The following SPMAP2L variants were observed in gnomAD, a reference collection of about 807,000 sequenced individuals.
The protein encoded by SPMAP2L is sperm microtubule associated protein 2 like.
chr4:56,622,168 C>T, the SPMAP2L span, among the ~76,000 whole-genome samples: 9,945 of 152,134 alleles, frequency 0.065, 811 homozygotes, highest in African/African-American at 0.19. Flanking sequence ...GAAAAGAAAG[C>T]CTATTAATTT....
At chr4:56,594,360 T>G in the SPMAP2L span, 1 of 1,546,376 alleles carries the variant, frequency 6.5e-7, no homozygotes, top group East Asian at 2.2e-5. Flanking sequence ...TCGTCTGAAC[T>G]CGCACCTATC....
chr4:56,567,819 C>G, the SPMAP2L span, among the ~76,000 whole-genome samples: 1 of 151,784 alleles, frequency 6.6e-6, no homozygotes, highest in East Asian at 1.9e-4. Flanking sequence ...TATCATATAT[C>G]TTAATGTTTT....
the SPMAP2L span, among the ~76,000 whole-genome samples, chr4:56,607,682 C>A: frequency 1.3e-5 from 2 of 152,056 alleles, no homozygotes; most frequent in African/African-American, 4.8e-5. Context: ...ATGAACCAGA[C>A]AGTTGGCAGA....
chr4:56,568,042 A>G, the SPMAP2L span, among the ~76,000 whole-genome samples: 1 of 151,820 alleles, frequency 6.6e-6, no homozygotes, highest in Non-Finnish European at 1.5e-5. Flanking sequence ...ATTTCTCTCT[A>G]TGTCTTCATT....
chr4:56,536,511 T>C, the SPMAP2L span, among the ~76,000 whole-genome samples: 7 of 152,246 alleles, frequency 4.6e-5, no homozygotes, highest in Admixed American at 1.3e-4. Flanking sequence ...TAAGCTCTTA[T>C]GGAGGCAGGA....
chr4:56,552,577 C>G, the SPMAP2L span: 1 of 1,527,336 alleles, frequency 6.5e-7, no homozygotes, highest in Non-Finnish European at 8.8e-7. Flanking sequence ...AACCCCAAAT[C>G]TTTCAAAGCC....
chr4:56,621,074 GA>G, the SPMAP2L span, among the ~76,000 whole-genome samples: 2 of 151,362 alleles, frequency 1.3e-5, no homozygotes, highest in African/African-American at 2.4e-5. Context: ...AAACTGGACG[GA>G]AAAAAAACGC....
At chr4:56,544,653 A>T in the SPMAP2L span, among the ~76,000 whole-genome samples, 16,183 of 152,040 alleles carry the variant, frequency 0.11, 948 homozygotes, top group East Asian at 0.2. Context: ...TCGCAGTTCG[A>T]GTTGCTGGGC....
the SPMAP2L span, among the ~76,000 whole-genome samples, chr4:56,619,369 A>G: frequency 6.6e-6 from 1 of 152,200 alleles, no homozygotes; most frequent in Admixed American, 6.5e-5. Flanking sequence ...CTGAAACTTG[A>G]TGCCTGTTGT....
chr4:56,558,554 A>G, the SPMAP2L span, among the ~76,000 whole-genome samples: 1 of 152,134 alleles, frequency 6.6e-6, no homozygotes, highest in Non-Finnish European at 1.5e-5. Context: ...ACCATATTTT[A>G]TGCACTTGAT....
chr4:56,553,505 T>C, the SPMAP2L span, among the ~76,000 whole-genome samples: 1 of 151,596 alleles, frequency 6.6e-6, no homozygotes, highest in Non-Finnish European at 1.5e-5. Context: ...TTGCTTTTTT[T>C]TTTTTAAACA....
the SPMAP2L span, among the ~76,000 whole-genome samples, chr4:56,571,709 A>C: frequency 6.6e-6 from 1 of 152,178 alleles, no homozygotes; most frequent in African/African-American, 2.4e-5. Flanking sequence ...TTATCTGGGC[A>C]TAGTGGCACA....
chr4:56,576,218 A>G, the SPMAP2L span, among the ~76,000 whole-genome samples: 1 of 152,194 alleles, frequency 6.6e-6, no homozygotes, highest in African/African-American at 2.4e-5. Flanking sequence ...AGAAATGATA[A>G]TAAACTTGAG....
the SPMAP2L span, among the ~76,000 whole-genome samples, chr4:56,574,305 C>T: frequency 1.3e-5 from 2 of 152,116 alleles, no homozygotes; most frequent in Admixed American, 6.6e-5. Flanking sequence ...TGTAGTCCCC[C>T]CTACTCAGGA....
At chr4:56,593,384 T>A in the SPMAP2L span, 150 of 1,296,874 alleles carry the variant, frequency 1.2e-4, no homozygotes, top group East Asian at 1.8e-3. Context: ...GGAGTCCTCA[T>A]TGAGCTGAAG....
At chr4:56,556,321 A>C in the SPMAP2L span, among the ~76,000 whole-genome samples, 2 of 152,238 alleles carry the variant, frequency 1.3e-5, no homozygotes, top group Non-Finnish European at 2.9e-5. Flanking sequence ...ACCTAGTGAC[A>C]AATGAATTAT....
the SPMAP2L span, among the ~76,000 whole-genome samples, chr4:56,537,697 CTTTTT>C: frequency 6.9e-6 from 1 of 145,492 alleles, no homozygotes; most frequent in Non-Finnish European, 1.5e-5. Flanking sequence ...CTTTTCTTTT[CTTTTT>C]TTTTTTTGAG....
the SPMAP2L span, among the ~76,000 whole-genome samples, chr4:56,579,443 T>C: frequency 1.3e-5 from 2 of 151,598 alleles, no homozygotes; most frequent in Admixed American, 1.3e-4. Context: ...AAGTAGTGGT[T>C]AGTGGGAAAT....
chr4:56,573,528 T>C, the SPMAP2L span, among the ~76,000 whole-genome samples: 1 of 152,190 alleles, frequency 6.6e-6, no homozygotes, highest in Non-Finnish European at 1.5e-5. Flanking sequence ...ATTGGCTGCG[T>C]AATCACCTTC....
Sources: allele counts gnomAD v4.1 joint callset (sites outside exome capture counted in the v4.1 genomes callset), GRCh38; gene constraint gnomAD v4.1.1; transcripts MANE v1.5; gene names NCBI Gene and HGNC (gene_info 2026-07-23, HGNC 2026-07-21).